Variants in C1orf141 observed in about 807,000 individuals in gnomAD.
The protein encoded by C1orf141 is uncharacterized protein C1orf141.
In C1orf141, 19 loss-of-function variants were observed where a neutral mutation model predicts 23.2. That is an observed-to-expected ratio of 0.82 (90% confidence interval 0.57 to 1.20). C1orf141 has a LOEUF of 1.20. Among genes scored for constraint, C1orf141 ranks in the 50% most tolerant of loss-of-function variants. The pLI is 0.00. For missense variants in C1orf141, 469 were observed against 455.1 expected (o/e 1.03, Z -0.28); for synonymous variants, 153 against 154.6 (o/e 0.99, Z 0.08).
intron 6 of C1orf141, chr1:67,095,676 G>C (rs113767309): frequency 6.0e-6 from 2 of 331,808 alleles, no homozygotes; most frequent in Admixed American, 9.1e-5. Flanking sequence ...TTATTACGTA[G>C]GTTGAGGAGA....
At chr1:67,095,101 G>T in intron 7 of C1orf141, 134 bp downstream of exon 7, 1 of 570,540 alleles carries the variant, frequency 1.8e-6, no homozygotes, top group Non-Finnish European at 3.0e-6. Context: ...CTTAAGTGCT[G>T]TTATCACTTT....
chr1:67,131,905 C>T (rs1225223488), intron 1 of C1orf141, among the ~76,000 whole-genome samples: 1 of 151,534 alleles, frequency 6.6e-6, no homozygotes. Context: ...CTGCCTCAGC[C>T]TCCTGAGTAG....
intron 5 of C1orf141, among the ~76,000 whole-genome samples, chr1:67,112,948 T>C (rs1646108535): frequency 6.6e-6 from 1 of 152,208 alleles, no homozygotes; most frequent in Non-Finnish European, 1.5e-5. Context: ...GGCAATCTGG[T>C]AGTTGTACTG....
In C1orf141 at chr1:67,112,191, C is replaced by T. The variant is rs185608983; in HGVS notation, c.346+3161G>A. Among the ~76,000 whole-genome samples the T allele has an allele frequency of 3.7e-3, 563 of 152,182 alleles. 3 individuals carry two copies. The highest frequency in any genetic ancestry group is 5.3e-3 in the Non-Finnish European group (361 of 67,998). ...CTTAACATCTGTGAGTCTTACTTTC[C>T]TCATTTGTTAACTGGAAACAATAGC... On this transcript the variant is annotated intron_variant, in intron 5 of 7. Transcript: ENST00000684719.
At chr1:67,132,765 A>C (rs1359469591) in intron 1 of C1orf141, among the ~76,000 whole-genome samples, 3 of 152,232 alleles carry the variant, frequency 2.0e-5, no homozygotes, top group Non-Finnish European at 4.4e-5. Context: ...CTGGAAGATG[A>C]AATAAAAAGT....
rs575771120 is a variant in C1orf141 at position 67,114,095 on chromosome 1, T to G, written c.346+1257A>C. 2.0e-5 allele frequency among the ~76,000 whole-genome samples: 3 copies of G among 152,286 alleles called. No homozygotes were observed. In the East Asian group the frequency reaches 5.8e-4, roughly 29 times the overall value. ...AAGGTCCAAAGTTTTGATATTTAAA[T>G]GTTCTCCAGTTCCCTTCCCCCACAC... is the stretch of plus-strand genomic sequence containing the variant. On this transcript the variant is annotated intron_variant, in intron 5 of 7. Coordinates refer to ENST00000684719, the MANE Select transcript of C1orf141 (RefSeq NM_001276351.2).
chr1:67,098,384 T>C (rs764436834), intron 5 of C1orf141, among the ~76,000 whole-genome samples: 2 of 152,094 alleles, frequency 1.3e-5, no homozygotes, highest in Non-Finnish European at 2.9e-5. Flanking sequence ...AGCTGGGCAT[T>C]GTGGCGAACG....
chr1:67,140,483 G>A (rs1196001377), intron 1 of C1orf141, among the ~76,000 whole-genome samples: 1 of 152,112 alleles, frequency 6.6e-6, no homozygotes, highest in East Asian at 1.9e-4. Context: ...CATAGTCGAA[G>A]TCATGTACAT....
intron 5 of C1orf141, among the ~76,000 whole-genome samples, chr1:67,099,158 T>C (rs1645747417): frequency 6.6e-6 from 1 of 152,170 alleles, no homozygotes; most frequent in African/African-American, 2.4e-5. Context: ...TATATCCAGA[T>C]ACTTTGTACT....
intron 5 of C1orf141, among the ~76,000 whole-genome samples, chr1:67,109,013 A>G (rs548026252): frequency 6.6e-6 from 1 of 152,264 alleles, no homozygotes; most frequent in South Asian, 2.1e-4. Flanking sequence ...CACTATGGAA[A>G]ACAGTATGAA....
At chr1:67,108,885 G>C (rs1323905547) in intron 5 of C1orf141, among the ~76,000 whole-genome samples, 1 of 152,076 alleles carries the variant, frequency 6.6e-6, no homozygotes, top group East Asian at 1.9e-4. Context: ...ATGAGATACT[G>C]CCTTATTCCT....
At chr1:67,125,992 A>G in intron 3 of C1orf141, 83 bp from the exon 4 acceptor site, 3 of 1,379,114 alleles carry the variant, frequency 2.2e-6, no homozygotes, top group Non-Finnish European at 2.9e-6. Context: ...AAGAAAAAAA[A>G]TCTCACTTTA....
At chr1:67,098,212 TA>T (rs1293822856) in intron 5 of C1orf141, among the ~76,000 whole-genome samples, 1 of 152,106 alleles carries the variant, frequency 6.6e-6, no homozygotes, top group Non-Finnish European at 1.5e-5. Context: ...GAGAGCCTTC[TA>T]AAATTCTAAA....
intron 5 of C1orf141, among the ~76,000 whole-genome samples, chr1:67,106,573 G>A (rs1374846561): frequency 1.3e-5 from 2 of 152,076 alleles, no homozygotes; most frequent in Admixed American, 1.3e-4. Flanking sequence ...CAGGAGAATC[G>A]CTTGAACCTG....
chr1:67,098,866 G>A (rs1028496705), intron 5 of C1orf141, among the ~76,000 whole-genome samples: 1 of 152,070 alleles, frequency 6.6e-6, no homozygotes, highest in Non-Finnish European at 1.5e-5. Context: ...AATCTTGGAA[G>A]TAAGAAATAT....
chr1:67,111,735 G>A, intron 5 of C1orf141: 3 of 503,248 alleles, frequency 6.0e-6, no homozygotes. Flanking sequence ...AAACTTTTAA[G>A]AAATGTAAAA....
intron 5 of C1orf141, chr1:67,102,657 C>G (rs1283051436): frequency 1.3e-5 from 2 of 152,014 alleles, no homozygotes; most frequent in African/African-American, 2.4e-5. Flanking sequence ...CTGTATTCCT[C>G]TATTCAATCT....
rs1178135823 is a variant in C1orf141 at position 67,093,200 on chromosome 1, A to G, written c.1008T>C (p.Val336=). 19 of 1,613,834 alleles carry G rather than the reference A, an allele frequency of 1.2e-5. No homozygotes were observed. Among genetic ancestry groups the G allele is most frequent in the Non-Finnish European group, 1.6e-5 (19 of 1,179,874 alleles). Residue 336 remains valine (V), a synonymous_variant, in exon 8 of 8, where the codon GTT becomes GTC. Coordinates refer to ENST00000684719, the MANE Select transcript of C1orf141 (RefSeq NM_001276351.2). ...KQFVGYLDKA[V]IHEMSAQTGK... Reference sequence around the variant, plus strand: ...CAGTTTGGGCACTCATTTCATGAATAACAGCTTTATCAAGGTAACCCACAA... The same window carrying G: ...CAGTTTGGGCACTCATTTCATGAATGACAGCTTTATCAAGGTAACCCACAA...
At chr1:67,117,594 T>C (rs1646220777) in intron 4 of C1orf141, among the ~76,000 whole-genome samples, 1 of 152,180 alleles carries the variant, frequency 6.6e-6, no homozygotes, top group Admixed American at 6.5e-5. Flanking sequence ...CTTATGTTCT[T>C]ATTAATATCA....
Sources: allele counts gnomAD v4.1 joint callset (sites outside exome capture counted in the v4.1 genomes callset), GRCh38; gene constraint gnomAD v4.1.1; transcripts MANE v1.5; gene names NCBI Gene and HGNC (gene_info 2026-07-23, HGNC 2026-07-21).